Variants in CXCR5 observed in about 807,000 individuals in gnomAD.
CXCR5 encodes C-X-C motif chemokine receptor 5, also known as C-X-C chemokine receptor type 5.
CXCR5 carries 3 observed loss-of-function variants against 5.6 expected under a neutral mutation model. The observed-to-expected ratio is 0.54, with a 90% CI of 0.24 to 1.39. The LOEUF (loss-of-function observed/expected upper bound fraction) is 1.39, where lower values mean the gene tolerates loss of function less well. CXCR5 is among the 40% of genes most tolerant of loss of function. CXCR5 has a pLI of 0.16. For synonymous variants in CXCR5, 218 were observed against 219.9 expected, an observed-to-expected ratio of 0.99 and a Z score of 0.08; for missense variants, 333 against 494.6, an observed-to-expected ratio of 0.67 and a Z score of 3.10.
intron 1 of CXCR5, among the ~76,000 whole-genome samples, chr11:118,890,442 C>A (rs2137656233): frequency 6.6e-6 from 1 of 152,088 alleles, no homozygotes; most frequent in South Asian, 2.1e-4. Context: ...AGAGAGAATT[C>A]CAAGAGGGGA....
chr11:118,886,419 C>T (rs1394923188), intron 1 of CXCR5: 3 of 432,436 alleles, frequency 6.9e-6, no homozygotes, highest in South Asian at 1.7e-5. Context: ...TCCATTTGTC[C>T]TCTTGAACTC....
chr11:118,890,767 T>G (rs946016504), intron 1 of CXCR5, among the ~76,000 whole-genome samples: 3 of 152,218 alleles, frequency 2.0e-5, no homozygotes, highest in African/African-American at 7.2e-5. Flanking sequence ...CAATGAAAGC[T>G]TATGTGTGAA....
In CXCR5 at chr11:118,894,926, C is replaced by A. The variant is rs933028969; in HGVS notation, c.*263C>A. On this transcript the variant is annotated 3_prime_UTR_variant, in exon 2 of 2. Coordinates refer to ENST00000292174, the MANE Select transcript of CXCR5 (RefSeq NM_001716.5). This position sits in a 1 kb window ranked among gnomAD's most constrained non-coding sequence, Gnocchi z 6.1. ...TGAAGGCTGTCCTTACCCATCTGCACCCCCCTGGGCTGAGAGAACCTCACG... is the reference window on the plus strand; with the variant it reads ...TGAAGGCTGTCCTTACCCATCTGCAACCCCCTGGGCTGAGAGAACCTCACG... 5 of 399,556 alleles carry A rather than the reference C, an allele frequency of 1.3e-5. No homozygotes were observed. Among genetic ancestry groups the A allele is most frequent in the Admixed American group, 4.1e-5 (1 of 24,612 alleles). The allele number at this position is 399,556 out of a possible 1,614,324, so 24.8% of individuals were successfully genotyped here. A position where few individuals can be genotyped will look rare whatever the true frequency, so the allele number is the denominator to read the frequency against.
chr11:118,895,179 G>A lies in CXCR5; in HGVS notation c.*516G>A, dbSNP rs910247993. On this transcript the variant is annotated 3_prime_UTR_variant, in exon 2 of 2. Transcript: ENST00000292174. The surrounding 1 kb of genome is among the most constrained non-coding windows in gnomAD (Gnocchi z 4.2). ...AAAGGCCAGCTGGCAGCAGAGTGTGGCCTTCGGACAACTCAGTCCCTAAAA... is the reference window on the plus strand; with the variant it reads ...AAAGGCCAGCTGGCAGCAGAGTGTGACCTTCGGACAACTCAGTCCCTAAAA... 1 of 167,756 alleles carries A rather than the reference G, an allele frequency of 6.0e-6. No homozygotes were observed. Among genetic ancestry groups the A allele is most frequent in the African/African-American group, 2.4e-5 (1 of 41,472 alleles). The allele number at this position is 167,756 out of a possible 1,614,324, so 10.4% of individuals were successfully genotyped here.
rs1039800772 is a variant in CXCR5 at position 118,894,974 on chromosome 11, A to G, written c.*311A>G. On this transcript the variant is annotated 3_prime_UTR_variant, in exon 2 of 2. Coordinates refer to ENST00000292174, the MANE Select transcript of CXCR5 (RefSeq NM_001716.5). The surrounding 1 kb of genome is among the most constrained non-coding windows in gnomAD (Gnocchi z 6.1). ...ACGCACCTCCCATCCTAATCATCCAATGCTCAAGAAACAACTTCTACTTCT... is the reference window on the plus strand; with the variant it reads ...ACGCACCTCCCATCCTAATCATCCAGTGCTCAAGAAACAACTTCTACTTCT... 2.2e-5 allele frequency: 7 copies of G among 311,544 alleles called. No individual in the cohort carries two copies. The highest frequency in any genetic ancestry group is 4.8e-5 in the Admixed American group (1 of 20,708). 19.3% of individuals were successfully genotyped at this position (311,544 alleles called of 1,614,324 possible).
intron 1 of CXCR5, among the ~76,000 whole-genome samples, chr11:118,885,540 A>AGCC (rs1253249730): frequency 1.3e-5 from 2 of 152,228 alleles, no homozygotes; most frequent in African/African-American, 2.4e-5. Flanking sequence ...CCCCGGTCAC[A>AGCC]GCCGCTGGCC....
chr11:118,889,926 G>C (rs1489258132), intron 1 of CXCR5, among the ~76,000 whole-genome samples: 2 of 152,172 alleles, frequency 1.3e-5, no homozygotes, highest in Non-Finnish European at 2.9e-5. Flanking sequence ...AGAAACCCAG[G>C]GCTTTCTGGG....
Position 118,894,523 on chromosome 11 carries a change from G to A in CXCR5, c.979G>A (p.Val327Met), listed in dbSNP as rs144033290. The A allele has an allele frequency of 5.9e-5, 94 of 1,586,622 alleles. No homozygotes were observed. The African/African-American group carries it at 1.2e-3, about 19-fold the overall frequency. ...CCCCATGCTCTACACTTTCGCCGGC[G>A]TGAAGTTCCGCAGTGACCTGTCGCG... ...LNPMLYTFAG[V>M]KFRSDLSRLL... Residue 327 changes from valine (V) to methionine (M), a missense_variant, in exon 2 of 2, where the codon GTG becomes ATG. Coordinates refer to ENST00000292174, the MANE Select transcript of CXCR5 (RefSeq NM_001716.5). This position sits in a 1 kb window ranked among gnomAD's most constrained non-coding sequence, Gnocchi z 6.1.
Position 118,894,056 on chromosome 11 carries a change from G to A in CXCR5, c.512G>A (p.Gly171Glu), listed in dbSNP as rs752785973. 1 of 1,613,852 alleles carries A rather than the reference G, an allele frequency of 6.2e-7. No homozygotes were observed. The highest frequency in any genetic ancestry group is 8.5e-7 in the Non-Finnish European group (1 of 1,180,018). Residue 171 changes from glycine to glutamate, a missense_variant, in exon 2 of 2, where the codon GGG (glycine) becomes GAG (glutamate). Physicochemically the swap from Gly to Glu is moderately conservative, Grantham distance 98. Transcript: ENST00000292174. This position sits in a 1 kb window ranked among gnomAD's most constrained non-coding sequence, Gnocchi z 6.1. ...CTCCTCTCCATCCACATCACCTGTG[G>A]GACCATCTGGCTGGTGGGCTTCCTC... ...RRLLSIHITC[G>E]TIWLVGFLLA...
chr11:118,887,164 G>T, intron 1 of CXCR5: 1 of 870,684 alleles, frequency 1.1e-6, no homozygotes, highest in African/African-American at 1.8e-5. Context: ...CAGAGTCTCC[G>T]TCAGGAACTC....
rs2137663923 is a variant in CXCR5 at position 118,895,888 on chromosome 11, C to A, written c.*1225C>A. On this transcript the variant is annotated 3_prime_UTR_variant, in exon 2 of 2. Coordinates refer to ENST00000292174, the MANE Select transcript of CXCR5 (RefSeq NM_001716.5). The surrounding 1 kb of genome is among the most constrained non-coding windows in gnomAD (Gnocchi z 4.2). ...GAGGCCCGTCCGGCAGTTCTGGGTGCTCCCTACCACCTCCCCAGCCTTTGA... is the reference window on the plus strand; with the variant it reads ...GAGGCCCGTCCGGCAGTTCTGGGTGATCCCTACCACCTCCCCAGCCTTTGA... The A allele has an allele frequency of 6.0e-6, 1 of 167,208 alleles. No homozygotes were observed. Among genetic ancestry groups the A allele is most frequent in the South Asian group, 2.1e-4 (1 of 4,816 alleles). The allele number at this position is 167,208 out of a possible 1,614,324, so 10.4% of individuals were successfully genotyped here.
chr11:118,893,426 AAAAC>A lies in CXCR5; in HGVS notation c.52-169_52-166del. Reference sequence around the variant, plus strand: ...GGAATGCGGTCCCTTTGACAGGCGAAAAACTGAAGTTGGAAAAGACAAAGTGATT... The same window carrying A: ...GGAATGCGGTCCCTTTGACAGGCGAATGAAGTTGGAAAAGACAAAGTGATT... On this transcript the variant is annotated intron_variant, in intron 1 of 1. Transcript: ENST00000292174. The surrounding 1 kb of genome is among the most constrained non-coding windows in gnomAD (Gnocchi z 5.7). 1.0e-6 allele frequency: 1 copy of A among 985,470 alleles called. No homozygotes were observed. The highest frequency in any genetic ancestry group is 1.2e-6 in the Non-Finnish European group (1 of 829,940). 61.0% of individuals were successfully genotyped at this position (985,470 alleles called of 1,614,324 possible).
chr11:118,889,301 G>A (rs1344371578), intron 1 of CXCR5, among the ~76,000 whole-genome samples: 1 of 152,254 alleles, frequency 6.6e-6, no homozygotes, highest in African/African-American at 2.4e-5. Flanking sequence ...TAGGCCACAT[G>A]CTGGTGTGGC....
chr11:118,884,367 C>T (rs541210202), intron 1 of CXCR5, among the ~76,000 whole-genome samples: 3 of 152,212 alleles, frequency 2.0e-5, no homozygotes, highest in South Asian at 4.1e-4. Context: ...GTTTTCTTAC[C>T]GTAAGGAGGC....
Position 118,894,372 on chromosome 11 carries a change from C to T in CXCR5, c.828C>T (p.His276=), listed in dbSNP as rs2230320. Residue 276 remains histidine, a synonymous_variant, in exon 2 of 2, where the codon CAC becomes CAT. Coordinates refer to ENST00000292174, the MANE Select transcript of CXCR5 (RefSeq NM_001716.5). The surrounding 1 kb of genome is among the most constrained non-coding windows in gnomAD (Gnocchi z 6.1). ...TCTTCCTCTGCTGGTCACCCTACCA[C>T]ATCGTCATCTTCCTGGACACCCTGG... ...SIFFLCWSPY[H]IVIFLDTLAR... is the part of the protein sequence containing the mutation. The T allele has an allele frequency of 1.7e-3, 2,700 of 1,614,202 alleles. 28 individuals are homozygous for T. In the African/African-American group the frequency reaches 0.03, roughly 18 times the overall value.
At position 118,897,767 on chromosome 11, in the gene CXCR5, T is replaced by G. The variant is rs76879408; in HGVS notation, c.*3104T>G. 2.2e-6 allele frequency: 1 copy of G among 451,702 alleles called. No individual in the cohort carries two copies. The highest frequency in any genetic ancestry group is 4.4e-6 in the Non-Finnish European group (1 of 225,760). The allele number at this position is 451,702 out of a possible 1,614,324, so 28.0% of individuals were successfully genotyped here. On this transcript the variant is annotated 3_prime_UTR_variant, in exon 2 of 2. Coordinates refer to ENST00000292174, the MANE Select transcript of CXCR5 (RefSeq NM_001716.5). Reference sequence around the variant, plus strand: ...AGGGTTTCTTTTATCCTTTTTTTTTTGTGTGACTTCTATCAAAACACAGAA... The same window carrying G: ...AGGGTTTCTTTTATCCTTTTTTTTTGGTGTGACTTCTATCAAAACACAGAA...
rs984406557 is a variant in CXCR5, at chr11:118,893,192, C to T, written c.52-404C>T. Among the ~76,000 whole-genome samples the T allele has an allele frequency of 2.0e-5, 3 of 152,050 alleles. No homozygotes were observed. The highest frequency in any genetic ancestry group is 4.4e-5 in the Non-Finnish European group (3 of 68,000). ...CAGCACAATGCTAAGTTGCAGTGCC[C>T]GACTGTTCTGCTCAGAACTGGAACA... On this transcript the variant is annotated intron_variant, in intron 1 of 1. Coordinates refer to ENST00000292174, the MANE Select transcript of CXCR5 (RefSeq NM_001716.5). This position sits in a 1 kb window ranked among gnomAD's most constrained non-coding sequence, Gnocchi z 5.7.
rs776794256 is a variant in CXCR5, at chr11:118,883,951, C to T, written c.10C>T (p.Pro4Ser). ...CACAGCCGGCACAGCCATGAACTACCCGCTAACGCTGGAAATGGACCTCGA... is the reference window on the plus strand; with the variant it reads ...CACAGCCGGCACAGCCATGAACTACTCGCTAACGCTGGAAATGGACCTCGA... MNYPLTLEMDLENL... is the reference protein window; with the variant it reads MNYSLTLEMDLENL... Residue 4 changes from proline (P) to serine (S), a missense_variant, in exon 1 of 2, where the codon CCG becomes TCG. By Grantham distance (74) the Pro-to-Ser change is moderately conservative. Transcript: ENST00000292174. The T allele has an allele frequency of 2.5e-6, 4 of 1,612,264 alleles. No homozygotes were observed. In the African/African-American group the frequency reaches 5.3e-5, roughly 22 times the overall value.
intron 1 of CXCR5, among the ~76,000 whole-genome samples, chr11:118,888,440 A>G (rs1939754345): frequency 6.6e-6 from 1 of 152,114 alleles, no homozygotes; most frequent in South Asian, 2.1e-4. Flanking sequence ...CTACACCCCT[A>G]GTACCTGAAA....
Sources: allele counts gnomAD v4.1 joint callset (sites outside exome capture counted in the v4.1 genomes callset), GRCh38; gene constraint gnomAD v4.1.1; non-coding constraint Gnocchi (gnomAD v3.1); transcripts MANE v1.5; gene names NCBI Gene and HGNC (gene_info 2026-07-23, HGNC 2026-07-21).